RALYL: variants seen among roughly 807,000 people sequenced by gnomAD.
The protein encoded by RALYL is RALY RNA binding protein like.
Under a neutral mutation model 35.1 loss-of-function variants are expected in RALYL, and 29 were observed. That is an observed-to-expected ratio of 0.83 (90% CI 0.61 to 1.13). RALYL has a LOEUF of 1.13. RALYL is among the 50% of genes most tolerant of loss of function. The probability of loss-of-function intolerance (pLI) is 0.00; values close to 1 mark genes in which losing one functional copy is unlikely to be tolerated. For missense variants in RALYL, 359 were observed against 360.4 expected (o/e 1.00, Z 0.03); for synonymous variants, 120 against 127.6 (o/e 0.94, Z 0.40).
At chr8:84,192,469 A>T (rs974271570) in intron 1 of RALYL, among the ~76,000 whole-genome samples, 1 of 152,228 alleles carries the variant, frequency 6.6e-6, no homozygotes, top group African/African-American at 2.4e-5. Flanking sequence ...GAAATTTTTC[A>T]TATGGGCTAG....
intron 2 of RALYL, among the ~76,000 whole-genome samples, chr8:84,667,594 A>G (rs1455570515): frequency 1.3e-5 from 2 of 152,074 alleles, no homozygotes; most frequent in Non-Finnish European, 2.9e-5. Context: ...TTTTCCTGTT[A>G]TCATTATGAA....
At chr8:84,559,721 C>A (rs1406677) in intron 2 of RALYL, among the ~76,000 whole-genome samples, 1,679 of 152,026 alleles carry the variant, frequency 0.011, 25 homozygotes, top group African/African-American at 0.039. Flanking sequence ...TAACTTATTT[C>A]AGGATTTAAG....
At chr8:84,591,933 TAG>T (rs1404402934) in intron 2 of RALYL, among the ~76,000 whole-genome samples, 1 of 152,200 alleles carries the variant, frequency 6.6e-6, no homozygotes, top group Non-Finnish European at 1.5e-5. Context: ...TATTTCTTGA[TAG>T]GACGCCTGAT....
intron 6 of RALYL, 81 bp downstream of exon 6, chr8:84,862,534 A>G: frequency 8.9e-7 from 1 of 1,119,994 alleles, no homozygotes; most frequent in Non-Finnish European, 1.2e-6. Context: ...TATTCAATAA[A>G]TTAACCAGAT....
intron 1 of RALYL, among the ~76,000 whole-genome samples, chr8:84,208,132 T>C (rs1818522406): frequency 6.6e-6 from 1 of 152,116 alleles, no homozygotes; most frequent in Admixed American, 6.6e-5. Context: ...CATATCGGAT[T>C]ATGATACTCT....
At chr8:84,491,312 T>G (rs970162387) in intron 1 of RALYL, among the ~76,000 whole-genome samples, 10 of 151,992 alleles carry the variant, frequency 6.6e-5, no homozygotes, top group Non-Finnish European at 1.3e-4. Flanking sequence ...AAATATGGCT[T>G]ATTTTATTTT....
intron 1 of RALYL, among the ~76,000 whole-genome samples, chr8:84,339,900 C>T (rs184375376): frequency 6.6e-6 from 1 of 152,118 alleles, no homozygotes; most frequent in East Asian, 1.9e-4. Context: ...TGTCCCCACC[C>T]AAATCTCATC....
chr8:84,566,326 G>A (rs568108572), intron 2 of RALYL, among the ~76,000 whole-genome samples: 21 of 151,552 alleles, frequency 1.4e-4, no homozygotes, highest in African/African-American at 4.8e-4. Context: ...AGTTGGTGGG[G>A]CAGGGGTGGA....
intron 1 of RALYL, among the ~76,000 whole-genome samples, chr8:84,446,306 C>A (rs1018976103): frequency 6.6e-6 from 1 of 151,706 alleles, no homozygotes. Context: ...AATCATAGTT[C>A]TTTTTTAAAA....
chr8:84,586,532 G>C (rs1419223002), intron 2 of RALYL, among the ~76,000 whole-genome samples: 1 of 152,160 alleles, frequency 6.6e-6, no homozygotes, highest in Non-Finnish European at 1.5e-5. Flanking sequence ...AAAGTCTTCT[G>C]TAATTTCATC....
At chr8:84,244,506 A>G (rs1011095432) in intron 1 of RALYL, among the ~76,000 whole-genome samples, 3 of 152,164 alleles carry the variant, frequency 2.0e-5, no homozygotes, top group East Asian at 3.9e-4. Flanking sequence ...CCAGTTTTCA[A>G]TGTCACTTTA....
chr8:84,320,231 T>C (rs926708179), intron 1 of RALYL, among the ~76,000 whole-genome samples: 1 of 152,034 alleles, frequency 6.6e-6, no homozygotes, highest in Non-Finnish European at 1.5e-5. Context: ...TTCTGTGTTG[T>C]CTGCGCTAGA....
At chr8:84,489,783 T>A (rs1485983657) in intron 1 of RALYL, among the ~76,000 whole-genome samples, 1 of 151,866 alleles carries the variant, frequency 6.6e-6, no homozygotes, top group Non-Finnish European at 1.5e-5. Flanking sequence ...TTAAAAGAAG[T>A]TGGAAATTCC....
intron 1 of RALYL, among the ~76,000 whole-genome samples, chr8:84,426,328 T>G (rs1162625019): frequency 1.3e-5 from 2 of 152,128 alleles, no homozygotes; most frequent in African/African-American, 4.8e-5. Flanking sequence ...ATTAGATCTC[T>G]ACACTCTTGC....
intron 2 of RALYL, among the ~76,000 whole-genome samples, chr8:84,682,801 TC>T (rs1232042341): frequency 6.6e-6 from 1 of 152,128 alleles, no homozygotes; most frequent in Non-Finnish European, 1.5e-5. Flanking sequence ...GCTCCTGGAT[TC>T]ATTGATTTTT....
At chr8:84,470,512 C>T (rs1409791161) in intron 1 of RALYL, among the ~76,000 whole-genome samples, 1 of 150,076 alleles carries the variant, frequency 6.7e-6, no homozygotes, top group Non-Finnish European at 1.5e-5. Context: ...TTGAGCTGAA[C>T]AAGAAAGGTA....
At chr8:84,916,092 T>A (rs1382081785) in intron 8 of RALYL, among the ~76,000 whole-genome samples, 1 of 152,032 alleles carries the variant, frequency 6.6e-6, no homozygotes, top group East Asian at 1.9e-4. Context: ...CATAAAACAA[T>A]ACTATGAAAC....
chr8:84,387,974 C>G (rs927594822), intron 1 of RALYL, among the ~76,000 whole-genome samples: 11 of 151,994 alleles, frequency 7.2e-5, no homozygotes, highest in African/African-American at 2.4e-4. Flanking sequence ...AGGTATATCT[C>G]CCAATGCTAT....
At chr8:84,281,952 C>G (rs911931344) in intron 1 of RALYL, among the ~76,000 whole-genome samples, 1 of 152,088 alleles carries the variant, frequency 6.6e-6, no homozygotes, top group African/African-American at 2.4e-5. Context: ...CATGTTGATG[C>G]TACTCTTCTA....
Sources: allele counts gnomAD v4.1 joint callset (sites outside exome capture counted in the v4.1 genomes callset), GRCh38; gene constraint gnomAD v4.1.1; transcripts MANE v1.5; gene names NCBI Gene and HGNC (gene_info 2026-07-23, HGNC 2026-07-21).